Variants in VAV3 observed in about 807,000 individuals in gnomAD.
VAV3 encodes vav guanine nucleotide exchange factor 3, also known as guanine nucleotide exchange factor VAV3.
Under a neutral mutation model 131.2 loss-of-function variants are expected in VAV3, and 94 were observed. The observed-to-expected ratio is 0.72, with a 90% CI of 0.61 to 0.85. The LOEUF (loss-of-function observed/expected upper bound fraction) is 0.85. Among genes scored for constraint, VAV3 ranks in the 40% least tolerant of loss-of-function variants. VAV3 has a pLI of 0.00. For missense variants in VAV3, 939 were observed against 1,002.7 expected (o/e 0.94, Z 0.86); for synonymous variants, 349 against 342.0 (o/e 1.02, Z -0.22).
At chr1:107,674,236 A>T (rs1658029949) in intron 19 of VAV3, among the ~76,000 whole-genome samples, 1 of 152,216 alleles carries the variant, frequency 6.6e-6, no homozygotes, top group Non-Finnish European at 1.5e-5. Flanking sequence ...TGTTAAGCAG[A>T]GTGAGTTCTG....
intron 21 of VAV3, among the ~76,000 whole-genome samples, chr1:107,612,829 C>T (rs1006425961): frequency 2.0e-5 from 3 of 152,108 alleles, no homozygotes; most frequent in Admixed American, 2.0e-4. Context: ...TAAACTCACT[C>T]CATAATCTGG....
intron 17 of VAV3, among the ~76,000 whole-genome samples, chr1:107,691,195 G>A (rs1659401228): frequency 6.6e-6 from 1 of 152,038 alleles, no homozygotes; most frequent in Non-Finnish European, 1.5e-5. Flanking sequence ...CTAAAATAAT[G>A]GTAAGGAGAG....
At chr1:107,643,646 T>G (rs925954213) in intron 19 of VAV3, among the ~76,000 whole-genome samples, 4 of 152,128 alleles carry the variant, frequency 2.6e-5, no homozygotes. Flanking sequence ...TTAACCATGG[T>G]GAAGCTGTAA....
intron 22 of VAV3, among the ~76,000 whole-genome samples, chr1:107,603,891 G>A (rs112647722): frequency 0.051 from 7,642 of 151,042 alleles, 210 homozygotes; most frequent in Middle Eastern, 0.088. Context: ...TGCAACCTCC[G>A]CCTCCTGGGT....
At chr1:107,722,054 G>C (rs949323828) in intron 15 of VAV3, among the ~76,000 whole-genome samples, 3 of 152,194 alleles carry the variant, frequency 2.0e-5, no homozygotes, top group Admixed American at 1.3e-4. Context: ...TATTCTGGTG[G>C]TTAGTATCTG....
intron 19 of VAV3, among the ~76,000 whole-genome samples, chr1:107,657,096 G>A (rs542335967): frequency 2.0e-5 from 3 of 151,700 alleles, no homozygotes; most frequent in Non-Finnish European, 4.4e-5. Flanking sequence ...CTGGGATTAC[G>A]GGCATGCACC....
At chr1:107,804,913 A>G (rs933446902) in intron 2 of VAV3, among the ~76,000 whole-genome samples, 13 of 148,944 alleles carry the variant, frequency 8.7e-5, no homozygotes, top group African/African-American at 3.2e-4. Flanking sequence ...TGTGAAGGAT[A>G]GCGTTGTTGA....
intron 15 of VAV3, among the ~76,000 whole-genome samples, chr1:107,723,621 C>A (rs1252751151): frequency 1.4e-5 from 2 of 138,046 alleles, no homozygotes; most frequent in African/African-American, 5.1e-5. Flanking sequence ...CATGGATGAA[C>A]CCGCAACTTA....
chr1:107,610,309 T>C (rs558794552), intron 21 of VAV3, among the ~76,000 whole-genome samples: 1 of 152,118 alleles, frequency 6.6e-6, no homozygotes, highest in East Asian at 1.9e-4. Context: ...GAAAACCGAA[T>C]AGCACTTTAC....
At chr1:107,954,019 T>TCA (rs1442042211) in intron 1 of VAV3, among the ~76,000 whole-genome samples, 1 of 152,128 alleles carries the variant, frequency 6.6e-6, no homozygotes, top group Non-Finnish European at 1.5e-5. Context: ...TACATGGAAA[T>TCA]CAAAAGGAAC....
chr1:107,911,006 A>C (rs1672344384), intron 1 of VAV3, among the ~76,000 whole-genome samples: 1 of 151,884 alleles, frequency 6.6e-6, no homozygotes, highest in African/African-American at 2.4e-5. Flanking sequence ...AAAAAAGAAA[A>C]AAAAAGCAAG....
rs79561164 is a variant in VAV3, at chr1:107,902,043, CA to C, written c.205-27027del. Among the ~76,000 whole-genome samples the C allele has an allele frequency of 3.6e-3, 420 of 117,450 alleles. 2 individuals are homozygous for C. Among genetic ancestry groups the C allele is most frequent in the African/African-American group, 0.012 (383 of 31,742 alleles). 77.1% of individuals were successfully genotyped at this position (117,450 alleles called of 152,430 possible). ...TGACTACAAGAACAAAACTCCATCTCAAAAAAAAAAACAAAAAAAACAACAA... is the reference window on the plus strand; with the variant it reads ...TGACTACAAGAACAAAACTCCATCTCAAAAAAAAAACAAAAAAAACAACAA... On this transcript the variant is annotated intron_variant, in intron 1 of 26. Transcript: ENST00000370056.
chr1:107,809,100 T>C (rs531154741), intron 2 of VAV3, among the ~76,000 whole-genome samples: 2 of 152,312 alleles, frequency 1.3e-5, no homozygotes, highest in South Asian at 2.1e-4. Flanking sequence ...TAAGAAGTAT[T>C]GTGAGATGCT....
intron 20 of VAV3, among the ~76,000 whole-genome samples, chr1:107,625,432 A>C (rs960161076): frequency 4.0e-5 from 6 of 151,876 alleles, no homozygotes; most frequent in African/African-American, 7.3e-5. Context: ...ATGCCTGGCT[A>C]ATCTTTGTAT....
chr1:107,600,206 A>G (rs1248998906), intron 24 of VAV3, among the ~76,000 whole-genome samples: 2 of 152,218 alleles, frequency 1.3e-5, no homozygotes, highest in East Asian at 3.9e-4. Context: ...AGGACTCAAT[A>G]TAAATTTGCT....
intron 16 of VAV3, 49 bp from the exon 17 acceptor site, chr1:107,704,699 C>T: frequency 6.8e-7 from 1 of 1,463,522 alleles, no homozygotes; most frequent in Non-Finnish European, 9.5e-7. Context: ...CAAAATTCTG[C>T]CCATATGAAA....
chr1:107,732,656 G>A (rs1239810351), intron 15 of VAV3, among the ~76,000 whole-genome samples: 1 of 152,198 alleles, frequency 6.6e-6, no homozygotes, highest in Non-Finnish European at 1.5e-5. Flanking sequence ...AGACTGGCTG[G>A]GGAAGGGGCA....
chr1:107,906,229 C>A (rs1310082883), intron 1 of VAV3, among the ~76,000 whole-genome samples: 1 of 152,136 alleles, frequency 6.6e-6, no homozygotes, highest in African/African-American at 2.4e-5. Context: ...CCAGAAGCCA[C>A]AACCCTAAGC....
intron 2 of VAV3, among the ~76,000 whole-genome samples, chr1:107,849,736 A>T (rs1276657032): frequency 1.3e-5 from 2 of 152,252 alleles, no homozygotes; most frequent in Non-Finnish European, 2.9e-5. Context: ...GATCTAATTA[A>T]AGATCTTCTA....
Sources: allele counts gnomAD v4.1 joint callset (sites outside exome capture counted in the v4.1 genomes callset), GRCh38; gene constraint gnomAD v4.1.1; transcripts MANE v1.5; gene names NCBI Gene and HGNC (gene_info 2026-07-23, HGNC 2026-07-21).